DNAI3: variants seen among roughly 807,000 people sequenced by gnomAD.
The protein encoded by DNAI3 is WD repeat domain 63.
In DNAI3, 83 loss-of-function variants were observed where a neutral mutation model predicts 115.5. That is an observed-to-expected ratio of 0.72 (90% CI 0.60 to 0.86). DNAI3 has a LOEUF of 0.86. Ranked by LOEUF, DNAI3 falls within the 40% of genes least tolerant of loss-of-function variation. The pLI is 0.00. For missense variants in DNAI3, 1,004 were observed against 1,075.8 expected (o/e 0.93, Z 0.93); for synonymous variants, 320 against 347.0 (o/e 0.92, Z 0.86).
chr1:85,085,713 G>A (rs543910911), intron 6 of DNAI3, 118 bp from the exon 7 acceptor site: 1 of 785,066 alleles, frequency 1.3e-6, no homozygotes, highest in South Asian at 1.8e-5. Context: ...AGCATGCAGA[G>A]CTGGAGGTGC....
At chr1:85,100,336 A>G (rs1360186401) in intron 13 of DNAI3, among the ~76,000 whole-genome samples, 1 of 152,258 alleles carries the variant, frequency 6.6e-6, no homozygotes, top group Non-Finnish European at 1.5e-5. Context: ...ACTTCTCAAA[A>G]GAAGACATTT....
chr1:85,107,586 A>G (rs1447525486), intron 14 of DNAI3, among the ~76,000 whole-genome samples: 1 of 152,180 alleles, frequency 6.6e-6, no homozygotes, highest in African/African-American at 2.4e-5. Flanking sequence ...ATGGCTTGGG[A>G]AAAACTGCTA....
In DNAI3 at chr1:85,132,755, A is replaced by G. The variant is rs1036659465; in HGVS notation, c.2533-100A>G. The G allele has an allele frequency of 6.2e-6, 9 of 1,455,530 alleles. No homozygotes were observed. The South Asian group carries it at 7.1e-5, about 11-fold the overall frequency. The allele number at this position is 1,455,530 out of a possible 1,614,324, so 90.2% of individuals were successfully genotyped here. On this transcript the variant is annotated intron_variant, in intron 22 of 22. Transcript: ENST00000294664. ...CTCCATCCAGCCCTTTCCAGAAAAC[A>G]GCAGCCAGGTCAACTATTCACAAAC... is the stretch of plus-strand genomic sequence containing the variant.
chr1:85,132,707 A>ACCTGCCCTCCTGCCTT, intron 22 of DNAI3, 148 bp from the exon 23 acceptor site: 1 of 797,002 alleles, frequency 1.3e-6, no homozygotes, highest in Non-Finnish European at 1.8e-6. Context: ...CCTCCTGCCC[A>ACCTGCCCTCCTGCCTT]CCTGCCCTCC....
At chr1:85,079,486 A>G (rs1188559349) in intron 3 of DNAI3, among the ~76,000 whole-genome samples, 1 of 152,180 alleles carries the variant, frequency 6.6e-6, no homozygotes, top group Non-Finnish European at 1.5e-5. Context: ...ATGAGAGGCC[A>G]CATACACTTT....
chr1:85,063,478 T>G (rs1654001393), intron 1 of DNAI3, among the ~76,000 whole-genome samples: 1 of 152,188 alleles, frequency 6.6e-6, no homozygotes, highest in Non-Finnish European at 1.5e-5. Context: ...CTGAAGGCCA[T>G]ACTTATGTGA....
chr1:85,081,194 G>A (rs1359667199), intron 3 of DNAI3, 40 bp from the exon 4 acceptor site: 2 of 1,474,048 alleles, frequency 1.4e-6, no homozygotes, highest in Admixed American at 2.7e-5. Context: ...TATTTTAAGT[G>A]GTCATATTTA....
chr1:85,120,567 C>G (rs1216368943), intron 17 of DNAI3, among the ~76,000 whole-genome samples: 1 of 152,230 alleles, frequency 6.6e-6, no homozygotes, highest in African/African-American at 2.4e-5. Flanking sequence ...GTTTCATGTA[C>G]TGGCTATGAG....
intron 13 of DNAI3, among the ~76,000 whole-genome samples, chr1:85,099,874 G>T (rs1655237877): frequency 1.3e-5 from 2 of 152,118 alleles, no homozygotes; most frequent in Non-Finnish European, 2.9e-5. Context: ...AATGGGGAAA[G>T]GATTCCCTAT....
intron 21 of DNAI3, among the ~76,000 whole-genome samples, chr1:85,129,168 C>T (rs550316506): frequency 6.6e-6 from 1 of 152,284 alleles, no homozygotes; most frequent in African/African-American, 2.4e-5. Context: ...TCACCCACCC[C>T]CTCCGGCTCC....
chr1:85,097,610 A>T lies in DNAI3; in HGVS notation c.1305A>T (p.Glu435Asp). The T allele has an allele frequency of 6.2e-7, 1 of 1,613,326 alleles. No individual in the cohort carries two copies. The highest frequency in any genetic ancestry group is 8.5e-7 in the Non-Finnish European group (1 of 1,179,668). The change falls in exon 12 of 23, where the codon GAA becomes GAT. Residue 435 changes from glutamate (E) to aspartate (D), a missense_variant. Coordinates refer to ENST00000294664, the MANE Select transcript of DNAI3 (RefSeq NM_145172.5). The part of the protein sequence containing the change: ...WDITAHADRI[E>D]NIKAGGSRSK... Reference sequence around the variant, plus strand: ...TCACCGCACATGCAGATCGCATAGAAAACATTAAGGCAGGTGGTAGTAGAA... The same window carrying T: ...TCACCGCACATGCAGATCGCATAGATAACATTAAGGCAGGTGGTAGTAGAA...
intron 13 of DNAI3, chr1:85,099,448 T>C (rs1033523391): frequency 5.9e-6 from 1 of 169,670 alleles, no homozygotes; most frequent in African/African-American, 2.4e-5. Flanking sequence ...CAAGGAGAAC[T>C]ACAAACCACT....
Position 85,126,549 on chromosome 1 carries a change from G to T in DNAI3, c.2151G>T (p.Arg717Ser), listed in dbSNP as rs768684013. 4 of 1,613,948 alleles carry T rather than the reference G, an allele frequency of 2.5e-6. No individual in the cohort carries two copies. The African/African-American group carries it at 5.3e-5, about 22-fold the overall frequency. The change falls in exon 20 of 23, where the codon AGG becomes AGT. Residue 717 changes from arginine to serine, a missense_variant. Physicochemically the swap from Arg to Ser is moderately radical, Grantham distance 110. Around this residue, in one of 3 missense-constraint regions of DNAI3, gnomAD observed 429 missense variants for 454.3 expected, o/e 0.94. Coordinates refer to ENST00000294664, the MANE Select transcript of DNAI3 (RefSeq NM_145172.5). ...PLLQSCCAPKRYTSGHWSLTR... is the reference protein window; with the variant it reads ...PLLQSCCAPKSYTSGHWSLTR... Reference sequence around the variant, plus strand: ...TTCAGTCATGCTGTGCACCAAAAAGGTACACCTCAGGCCACTGGTCCCTGA... The same window carrying T: ...TTCAGTCATGCTGTGCACCAAAAAGTTACACCTCAGGCCACTGGTCCCTGA...
chr1:85,083,845 GTGGT>G (rs1654704803), intron 5 of DNAI3, among the ~76,000 whole-genome samples: 1 of 151,842 alleles, frequency 6.6e-6, no homozygotes, highest in Non-Finnish European at 1.5e-5. Context: ...GTTCTTGTCT[GTGGT>G]TTTACACTTT....
At chr1:85,105,799 G>A (rs944579784) in intron 14 of DNAI3, among the ~76,000 whole-genome samples, 6 of 152,050 alleles carry the variant, frequency 3.9e-5, no homozygotes, top group South Asian at 2.1e-4. Flanking sequence ...ATTGTGTCCC[G>A]CTGCTCAAGA....
intron 3 of DNAI3, among the ~76,000 whole-genome samples, chr1:85,077,150 GACC>G (rs1466565398): frequency 6.6e-6 from 1 of 152,146 alleles, no homozygotes; most frequent in Non-Finnish European, 1.5e-5. Flanking sequence ...TCCAAAAATA[GACC>G]ACATGTGCAT....
intron 12 of DNAI3, among the ~76,000 whole-genome samples, 186 bp downstream of exon 12, chr1:85,097,841 G>A (rs778787932): frequency 1.3e-5 from 2 of 152,150 alleles, no homozygotes; most frequent in Non-Finnish European, 2.9e-5. Flanking sequence ...GTGGGCCCTT[G>A]ATTAAAACAC....
chr1:85,118,073 T>C lies in DNAI3; in HGVS notation c.1917+214T>C, dbSNP rs192101594. Among the ~76,000 whole-genome samples, 587 of 152,346 alleles carry C rather than the reference T, an allele frequency of 3.9e-3. 3 individuals carry two copies. Among genetic ancestry groups the C allele is most frequent in the Non-Finnish European group, 5.8e-3 (394 of 68,036 alleles). On this transcript the variant is annotated intron_variant, in intron 17 of 22. Transcript: ENST00000294664. ...AACGTATGTGGACAAATCTGTAAAA[T>C]TGCATACTTTTTAACTAATAATATA...
At chr1:85,112,374 T>C (rs817482) in intron 16 of DNAI3, among the ~76,000 whole-genome samples, 35,673 of 152,170 alleles carry the variant, frequency 0.23, 4,987 homozygotes, top group African/African-American at 0.38. Flanking sequence ...CGTAGACCTA[T>C]TACAAATAAA....
Sources: allele counts gnomAD v4.1 joint callset (sites outside exome capture counted in the v4.1 genomes callset), GRCh38; gene constraint gnomAD v4.1.1; regional missense constraint gnomAD v4.1.1; transcripts MANE v1.5; gene names NCBI Gene and HGNC (gene_info 2026-07-23, HGNC 2026-07-21).